Variants in RHBDL3 observed in about 807,000 individuals in gnomAD.
RHBDL3 encodes rhomboid like 3, also known as rhomboid-related protein 3.
RHBDL3 carries 28 observed loss-of-function variants against 48.2 expected under a neutral mutation model. That is an observed-to-expected ratio of 0.58 (90% confidence interval 0.43 to 0.80). RHBDL3 has a LOEUF of 0.80. Among genes scored for constraint, RHBDL3 ranks in the 30% least tolerant of loss-of-function variants. RHBDL3 has a pLI of 0.00. For synonymous variants in RHBDL3, 208 were observed against 232.3 expected, an observed-to-expected ratio of 0.90 and a Z score of 0.95; for missense variants, 464 against 542.7, an observed-to-expected ratio of 0.85 and a Z score of 1.44.
Position 32,323,583 on chromosome 17 carries a change from G to A in RHBDL3, c.*2354G>A, listed in dbSNP as rs759248723. 6.6e-6 allele frequency: 1 copy of A among 152,138 alleles called. No homozygotes were observed. The highest frequency in any genetic ancestry group is 2.4e-5 in the African/African-American group (1 of 41,388). 9.4% of individuals were successfully genotyped at this position (152,138 alleles called of 1,614,324 possible). ...TGGAGAGGGGGCTTCCTCTCTTAGGGGTGAGAAAGCATTGAACTAGAAGAT... is the reference window on the plus strand; with the variant it reads ...TGGAGAGGGGGCTTCCTCTCTTAGGAGTGAGAAAGCATTGAACTAGAAGAT... On this transcript the variant is annotated 3_prime_UTR_variant, in exon 9 of 9. Coordinates refer to ENST00000269051, the MANE Select transcript of RHBDL3 (RefSeq NM_138328.3).
chr17:32,281,778 C>T (rs1047862843), intron 2 of RHBDL3, among the ~76,000 whole-genome samples: 5 of 152,198 alleles, frequency 3.3e-5, no homozygotes, highest in African/African-American at 4.8e-5. Flanking sequence ...AAAATCTCTG[C>T]CTATGGTAGG....
At chr17:32,303,234 G>C (rs936852388) in intron 6 of RHBDL3, among the ~76,000 whole-genome samples, 4 of 152,204 alleles carry the variant, frequency 2.6e-5, no homozygotes, top group African/African-American at 9.6e-5. Context: ...GCTGGGGCAG[G>C]GGCGAGGGAG....
Position 32,321,032 on chromosome 17 carries a change from T to A in RHBDL3, c.1018T>A (p.Phe340Ile). 1 of 1,614,166 alleles carries A rather than the reference T, an allele frequency of 6.2e-7. No individual in the cohort carries two copies. Residue 340 changes from phenylalanine to isoleucine, a missense_variant, in exon 9 of 9, where the codon TTT (phenylalanine) becomes ATT (isoleucine). Phe to Ile is a conservative substitution (Grantham distance 21, BLOSUM62 0). Transcript: ENST00000269051. ...SAYPPCPHPS[F>I]VAHLGGVAVG... The stretch of plus-strand genomic sequence containing the variant: ...CTATCCCCCGTGCCCTCACCCAAGC[T>A]TTGTGGCGCACTTGGGTGGCGTGGC...
At position 32,321,632 on chromosome 17, in the gene RHBDL3, G is replaced by A. The variant is rs1475749189; in HGVS notation, c.*403G>A. 5.9e-6 allele frequency: 2 copies of A among 340,130 alleles called. No homozygotes were observed. The highest frequency in any genetic ancestry group is 1.1e-5 in the Non-Finnish European group (2 of 176,042). The allele number at this position is 340,130 out of a possible 1,614,324, so 21.1% of individuals were successfully genotyped here. A position where few individuals can be genotyped will look rare whatever the true frequency, so the allele number is the denominator to read the frequency against. ...CCTAAGAGACATGGGAAGGCTCGAA[G>A]GTTGTTGCGTCCAGGCATGGCCCCT... On this transcript the variant is annotated 3_prime_UTR_variant, in exon 9 of 9. Coordinates refer to ENST00000269051, the MANE Select transcript of RHBDL3 (RefSeq NM_138328.3).
At chr17:32,277,834 G>A (rs2039951057) in intron 2 of RHBDL3, among the ~76,000 whole-genome samples, 1 of 152,238 alleles carries the variant, frequency 6.6e-6, no homozygotes, top group African/African-American at 2.4e-5. Context: ...TAAGTTTGAA[G>A]AATGCTGGGC....
At chr17:32,306,854 GA>G (rs1178988305) in intron 7 of RHBDL3, among the ~76,000 whole-genome samples, 3 of 152,194 alleles carry the variant, frequency 2.0e-5, no homozygotes, top group African/African-American at 7.2e-5. Context: ...CTGGGAAGCA[GA>G]GGTTACAGTG....
At chr17:32,316,107 A>C (rs1005912396) in intron 7 of RHBDL3, 125 bp from the exon 8 acceptor site, 12 of 718,664 alleles carry the variant, frequency 1.7e-5, no homozygotes, top group Non-Finnish European at 3.0e-5. Flanking sequence ...TCTGCTACTA[A>C]GCCACAACCC....
intron 4 of RHBDL3, among the ~76,000 whole-genome samples, chr17:32,293,167 G>A (rs2040371021): frequency 1.3e-5 from 2 of 148,394 alleles, no homozygotes; most frequent in East Asian, 2.0e-4. Context: ...GCCAGGGGCT[G>A]GAGGGAGGGG....
At chr17:32,313,957 C>T (rs1299864351) in intron 7 of RHBDL3, among the ~76,000 whole-genome samples, 2 of 152,024 alleles carry the variant, frequency 1.3e-5, no homozygotes. Flanking sequence ...CGGGATTTCA[C>T]CATGTTAGCC....
intron 2 of RHBDL3, among the ~76,000 whole-genome samples, chr17:32,273,011 T>C (rs1291251011): frequency 6.6e-6 from 1 of 152,210 alleles, no homozygotes; most frequent in African/African-American, 2.4e-5. Context: ...TTTTGTTTGT[T>C]TGTTTTGAGA....
chr17:32,284,881 T>C, intron 3 of RHBDL3, 64 bp downstream of exon 3: 1 of 1,411,464 alleles, frequency 7.1e-7, no homozygotes, highest in Non-Finnish European at 9.9e-7. Flanking sequence ...TTCCACACAT[T>C]TAAAGGATTT....
intron 7 of RHBDL3, among the ~76,000 whole-genome samples, chr17:32,311,311 A>G (rs1025113355): frequency 7.9e-5 from 12 of 152,186 alleles, no homozygotes; most frequent in Non-Finnish European, 7.4e-5. Flanking sequence ...CCGTTGTTTC[A>G]GTGCACTGAT....
At position 32,321,965 on chromosome 17, in the gene RHBDL3, C is replaced by T. The variant is rs2041144333; in HGVS notation, c.*736C>T. The stretch of plus-strand genomic sequence containing the variant: ...AGACAGACCCAGGACCAGCTTCAGA[C>T]TTCTCCCTCCCTTTCTTCCAGGATA... On this transcript the variant is annotated 3_prime_UTR_variant, in exon 9 of 9. Transcript: ENST00000269051. 1 of 152,890 alleles carries T rather than the reference C, an allele frequency of 6.5e-6. No individual in the cohort carries two copies. The highest frequency in any genetic ancestry group is 1.5e-5 in the Non-Finnish European group (1 of 68,546). The allele number at this position is 152,890 out of a possible 1,614,324, so 9.5% of individuals were successfully genotyped here. A position where few individuals can be genotyped will look rare whatever the true frequency, so the allele number is the denominator to read the frequency against.
chr17:32,278,531 T>C (rs750762982), intron 2 of RHBDL3, among the ~76,000 whole-genome samples: 4 of 152,216 alleles, frequency 2.6e-5, no homozygotes, highest in Admixed American at 6.5e-5. Context: ...CCTTAGTGAA[T>C]ATGTGTTAGG....
In RHBDL3 at chr17:32,290,963, A is replaced by T. The variant is rs75688508; in HGVS notation, c.519+1947A>T. Among the ~76,000 whole-genome samples, 296 of 147,386 alleles carry T rather than the reference A, an allele frequency of 2.0e-3. 1 individual carries two copies. The highest frequency in any genetic ancestry group is 6.6e-3 in the African/African-American group (259 of 39,310). Reference sequence around the variant, plus strand: ...CTGTAGTGAGCTGTGTCCATGCCACATCACTCCAGCCTGAGTGACAGAGCG... The same window carrying T: ...CTGTAGTGAGCTGTGTCCATGCCACTTCACTCCAGCCTGAGTGACAGAGCG... On this transcript the variant is annotated intron_variant, in intron 4 of 8. Coordinates refer to ENST00000269051, the MANE Select transcript of RHBDL3 (RefSeq NM_138328.3).
chr17:32,283,094 C>G (rs980738589), intron 2 of RHBDL3, among the ~76,000 whole-genome samples: 1 of 152,170 alleles, frequency 6.6e-6, no homozygotes, highest in Non-Finnish European at 1.5e-5. Flanking sequence ...CACACACATA[C>G]ATCCTCAATG....
intron 7 of RHBDL3, among the ~76,000 whole-genome samples, chr17:32,314,946 G>A (rs1202023054): frequency 6.6e-6 from 1 of 152,230 alleles, no homozygotes; most frequent in Non-Finnish European, 1.5e-5. Context: ...ACCTAAAGCG[G>A]GACCGCAGGT....
At chr17:32,294,242 AAG>A in intron 4 of RHBDL3, 50 bp from the exon 5 acceptor site, 1 of 1,548,458 alleles carries the variant, frequency 6.5e-7, no homozygotes, top group Non-Finnish European at 8.8e-7. Flanking sequence ...GCACAACAGG[AAG>A]TTTCCTGGGC....
At chr17:32,269,619 C>A (rs2039723001) in intron 2 of RHBDL3, among the ~76,000 whole-genome samples, 1 of 152,314 alleles carries the variant, frequency 6.6e-6, no homozygotes, top group East Asian at 1.9e-4. Context: ...CCTAAGAGTA[C>A]AGCAGCTGCT....
Sources: gnomAD v4.1 joint callset for allele counts (sites outside exome capture counted in the v4.1 genomes callset) on GRCh38, gnomAD v4.1.1 for gene constraint, MANE v1.5 for transcripts, NCBI Gene and HGNC (gene_info 2026-07-23, HGNC 2026-07-21) for gene names.